The following BMPER variants were observed in gnomAD, a reference collection of about 807,000 sequenced individuals.
BMPER encodes the protein BMP-binding endothelial regulator protein.
A neutral mutation model predicts 87.3 loss-of-function variants in BMPER; 45 were observed. The ratio of observed to expected loss-of-function variants is 0.52; its 90% CI spans 0.41 to 0.66. The LOEUF is 0.66. Among genes scored for constraint, BMPER ranks in the 30% least tolerant of loss-of-function variants. The probability of loss-of-function intolerance (pLI) is 0.00; values close to 1 mark genes in which losing one functional copy is unlikely to be tolerated. For missense variants in BMPER, 784 were observed against 867.5 expected (o/e 0.90, Z 1.21); for synonymous variants, 326 against 316.2 (o/e 1.03, Z -0.33).
chr7:34,017,966 C>CAA (rs1310910140), intron 6 of BMPER, among the ~76,000 whole-genome samples: 72 of 80,412 alleles, frequency 9.0e-4, no homozygotes, highest in African/African-American at 2.3e-3. Context: ...TAAACTTGTC[C>CAA]AAAAAAAAAA....
At chr7:34,000,348 C>T (rs1786547074) in intron 6 of BMPER, among the ~76,000 whole-genome samples, 1 of 151,590 alleles carries the variant, frequency 6.6e-6, no homozygotes, top group Admixed American at 6.6e-5. Context: ...GAGACTGGAT[C>T]TTGGATTGAA....
chr7:34,031,579 C>T (rs1029697902), intron 6 of BMPER, among the ~76,000 whole-genome samples: 11 of 151,616 alleles, frequency 7.3e-5, no homozygotes, highest in Non-Finnish European at 1.6e-4. Context: ...GAAAAGTCAC[C>T]ACAGCTCTGT....
intron 7 of BMPER, 76 bp downstream of exon 7, chr7:34,046,481 G>A: frequency 6.9e-7 from 1 of 1,456,016 alleles, no homozygotes; most frequent in Non-Finnish European, 9.6e-7. Flanking sequence ...TATCCACGTT[G>A]TTGTTTTGAG....
intron 13 of BMPER, among the ~76,000 whole-genome samples, chr7:34,100,234 CTATGCTATGATATG>C (rs1789643896): frequency 6.6e-6 from 1 of 152,108 alleles, no homozygotes; most frequent in East Asian, 1.9e-4. Flanking sequence ...AAACATGTAT[CTATGCTATGATATG>C]TATGCTAAGA....
At chr7:34,031,615 C>G (rs184881368) in intron 6 of BMPER, among the ~76,000 whole-genome samples, 26 of 151,812 alleles carry the variant, frequency 1.7e-4, no homozygotes, top group African/African-American at 6.3e-4. Context: ...GTTCTCTTGG[C>G]CAGTGAAATA....
intron 6 of BMPER, among the ~76,000 whole-genome samples, chr7:34,021,145 G>A (rs1787176752): frequency 6.6e-6 from 1 of 151,852 alleles, no homozygotes; most frequent in African/African-American, 2.4e-5. Context: ...TTTAAGTTTT[G>A]AAACTTTTGG....
intron 3 of BMPER, among the ~76,000 whole-genome samples, chr7:33,938,207 G>T (rs1053804108): frequency 6.6e-6 from 1 of 152,144 alleles, no homozygotes; most frequent in Non-Finnish European, 1.5e-5. Context: ...GGCCATGCAG[G>T]AGGCAACATT....
chr7:33,987,114 C>T (rs1304878195), intron 6 of BMPER, among the ~76,000 whole-genome samples: 1 of 152,100 alleles, frequency 6.6e-6, no homozygotes, highest in Non-Finnish European at 1.5e-5. Context: ...GGTCTCTCCT[C>T]AAATAACTAT....
At chr7:34,024,385 ATATATATATATATATATATATAT>A (rs1787295787) in intron 6 of BMPER, among the ~76,000 whole-genome samples, 1 of 3,764 alleles carries the variant, frequency 2.7e-4, no homozygotes, top group African/African-American at 6.9e-4. Context: ...AAAAAAAACA[ATATATATATATATATATATATAT>A]ATATATATAT....
intron 13 of BMPER, among the ~76,000 whole-genome samples, chr7:34,088,627 A>T (rs1453484597): frequency 6.6e-6 from 1 of 152,164 alleles, no homozygotes; most frequent in Non-Finnish European, 1.5e-5. Flanking sequence ...TGAGTTCAAC[A>T]TCCTTTATCG....
At chr7:33,923,971 A>C (rs935038753) in intron 2 of BMPER, among the ~76,000 whole-genome samples, 2 of 152,114 alleles carry the variant, frequency 1.3e-5, no homozygotes, top group African/African-American at 4.8e-5. Flanking sequence ...TTCCACATCT[A>C]TGTTCCCACA....
At chr7:34,006,222 C>T (rs1279811826) in intron 6 of BMPER, among the ~76,000 whole-genome samples, 1 of 151,928 alleles carries the variant, frequency 6.6e-6, no homozygotes, top group East Asian at 1.9e-4. Context: ...CTAAAATAAT[C>T]ATTGTATCTT....
At chr7:33,966,033 G>A (rs1263336676) in intron 3 of BMPER, among the ~76,000 whole-genome samples, 5 of 152,118 alleles carry the variant, frequency 3.3e-5, no homozygotes, top group Admixed American at 1.3e-4. Context: ...ATAGAATTTT[G>A]CGTTCAAGTC....
rs529477261 is a variant in BMPER at position 33,966,748 on chromosome 7, T to C, written c.402+187T>C. ...TAACGAGACAGGTGCAGCATAGATA[T>C]TGTGTAGAACTTGCTTCCAGAAACA... is the stretch of plus-strand genomic sequence containing the variant. On this transcript the variant is annotated intron_variant, in intron 4 of 14. Coordinates refer to ENST00000649409, the MANE Select transcript of BMPER (RefSeq NM_001365308.1). Among the ~76,000 whole-genome samples the C allele has an allele frequency of 2.0e-5, 3 of 152,270 alleles. No individual in the cohort carries two copies. The South Asian group carries it at 6.2e-4, about 31-fold the overall frequency.
At chr7:34,035,273 A>AT (rs1431160080) in intron 6 of BMPER, among the ~76,000 whole-genome samples, 1 of 152,184 alleles carries the variant, frequency 6.6e-6, no homozygotes, top group Non-Finnish European at 1.5e-5. Context: ...ATTTTAGGAA[A>AT]TTGCCACCTG....
At chr7:34,052,028 A>T (rs1788159039) in intron 8 of BMPER, 58 bp downstream of exon 8, 2 of 1,435,524 alleles carry the variant, frequency 1.4e-6, no homozygotes, top group African/African-American at 2.8e-5. Context: ...TTTCAGTGTT[A>T]ACATCACAGC....
chr7:34,081,522 G>A (rs567452166), intron 12 of BMPER, among the ~76,000 whole-genome samples: 6 of 152,218 alleles, frequency 3.9e-5, no homozygotes, highest in Non-Finnish European at 7.3e-5. Flanking sequence ...CTGTAGTTGC[G>A]TAGCTAATAT....
intron 2 of BMPER, among the ~76,000 whole-genome samples, chr7:33,933,670 C>G (rs1399383379): frequency 6.6e-6 from 1 of 152,128 alleles, no homozygotes; most frequent in Non-Finnish European, 1.5e-5. Flanking sequence ...TGCAGACCTT[C>G]CCATGGTTGG....
chr7:34,132,518 G>GT (rs1013603754), intron 13 of BMPER, among the ~76,000 whole-genome samples: 2 of 152,196 alleles, frequency 1.3e-5, no homozygotes, highest in African/African-American at 2.4e-5. Flanking sequence ...CAGCCCACAG[G>GT]TTGCACACAG....
Sources: gnomAD v4.1 joint callset for allele counts (sites outside exome capture counted in the v4.1 genomes callset) on GRCh38, gnomAD v4.1.1 for gene constraint, MANE v1.5 for transcripts, NCBI Gene and HGNC (gene_info 2026-07-23, HGNC 2026-07-21) for gene names.